EFR3A: variants seen among roughly 807,000 people sequenced by gnomAD.
EFR3A encodes the protein protein EFR3 homolog A.
EFR3A carries 76 observed loss-of-function variants against 104.4 expected under a neutral mutation model. The ratio of observed to expected loss-of-function variants is 0.73; its 90% confidence interval spans 0.60 to 0.88. The LOEUF (loss-of-function observed/expected upper bound fraction) is 0.88. EFR3A is among the 40% of genes least tolerant of loss of function. The pLI is 0.00. For synonymous variants in EFR3A, 330 were observed against 330.0 expected, an observed-to-expected ratio of 1.00 and a Z score of 0.00; for missense variants, 985 against 1,012.5, an observed-to-expected ratio of 0.97 and a Z score of 0.37.
intron 18 of EFR3A, among the ~76,000 whole-genome samples, chr8:131,989,420 A>G (rs1394853618): frequency 1.3e-5 from 2 of 152,216 alleles, no homozygotes; most frequent in Admixed American, 6.5e-5. Context: ...AGGCACTGTG[A>G]TAAGTGCTTA....
chr8:132,012,169 A>G lies in EFR3A; in HGVS notation c.*1274A>G, dbSNP rs1301243301. 3.3e-5 allele frequency: 5 copies of G among 152,324 alleles called. No individual in the cohort carries two copies. The highest frequency in any genetic ancestry group is 2.1e-4 in the South Asian group (1 of 4,832). 9.4% of individuals were successfully genotyped at this position (152,324 alleles called of 1,614,324 possible). Reference sequence around the variant, plus strand: ...CTTTTCAGATTCCATTTCTTTTTACATAAAACAGCATACATATCAAAAACT... The same window carrying G: ...CTTTTCAGATTCCATTTCTTTTTACGTAAAACAGCATACATATCAAAAACT... On this transcript the variant is annotated 3_prime_UTR_variant, in exon 23 of 23. Transcript: ENST00000254624.
chr8:131,967,657 T>A (rs1007370419), intron 8 of EFR3A, among the ~76,000 whole-genome samples: 5 of 152,182 alleles, frequency 3.3e-5, no homozygotes, highest in African/African-American at 1.2e-4. Flanking sequence ...CCAATATCAT[T>A]CACTATGGTT....
intron 19 of EFR3A, among the ~76,000 whole-genome samples, chr8:131,997,932 T>G (rs1390638047): frequency 6.6e-6 from 1 of 152,072 alleles, no homozygotes; most frequent in Non-Finnish European, 1.5e-5. Flanking sequence ...AGACTCAATG[T>G]AGGGGAAAGA....
chr8:131,987,890 T>C (rs1043502150), intron 18 of EFR3A, among the ~76,000 whole-genome samples, 188 bp downstream of exon 18: 2 of 152,182 alleles, frequency 1.3e-5, no homozygotes, highest in Non-Finnish European at 2.9e-5. Flanking sequence ...AGTAAATCTC[T>C]AACGACATAG....
rs779232799 is a variant in EFR3A at position 132,010,900 on chromosome 8, C to T, written c.*5C>T. ...CCAGATCTGTGTGTGTACTGATCGG[C>T]GCATGAAGACCTCAGGATATGATTT... On this transcript the variant is annotated 3_prime_UTR_variant, in exon 23 of 23. Coordinates refer to ENST00000254624, the MANE Select transcript of EFR3A (RefSeq NM_015137.6). The T allele has an allele frequency of 1.6e-5, 25 of 1,589,144 alleles. No homozygotes were observed. Among genetic ancestry groups the T allele is most frequent in the African/African-American group, 4.0e-5 (3 of 74,772 alleles).
At chr8:131,993,014 A>G (rs1821276151) in intron 18 of EFR3A, among the ~76,000 whole-genome samples, 1 of 152,152 alleles carries the variant, frequency 6.6e-6, no homozygotes, top group African/African-American at 2.4e-5. Flanking sequence ...GACTTTTGCA[A>G]TCTTGGGGAA....
At chr8:131,996,571 C>A in intron 19 of EFR3A, 74 bp downstream of exon 19, 1 of 840,630 alleles carries the variant, frequency 1.2e-6, no homozygotes, top group Non-Finnish European at 1.8e-6. Flanking sequence ...GCCTTCCACA[C>A]TTTCGAACAG....
At chr8:131,987,506 T>A (rs1188256019) in intron 17 of EFR3A, 69 bp from the exon 18 acceptor site, 1 of 1,479,440 alleles carries the variant, frequency 6.8e-7, no homozygotes, top group Admixed American at 2.5e-5. Context: ...TCTGGAATGT[T>A]TTGCATAGTA....
chr8:131,925,627 A>G (rs1017535220), intron 1 of EFR3A, among the ~76,000 whole-genome samples: 45 of 152,114 alleles, frequency 3.0e-4, no homozygotes, highest in Non-Finnish European at 1.3e-4. Flanking sequence ...GTTCTTAGTA[A>G]TATGTTTCCT....
intron 8 of EFR3A, among the ~76,000 whole-genome samples, chr8:131,959,920 A>G (rs934025509): frequency 6.6e-6 from 1 of 152,242 alleles, no homozygotes; most frequent in East Asian, 1.9e-4. Context: ...GCTTCTTGAC[A>G]GTCTCCTGCT....
intron 18 of EFR3A, 136 bp from the exon 19 acceptor site, chr8:131,996,270 G>A: frequency 1.9e-6 from 1 of 525,610 alleles, no homozygotes; most frequent in Non-Finnish European, 3.3e-6. Flanking sequence ...CTGCTTTTAT[G>A]TATTTAGAAG....
chr8:131,950,769 G>C (rs1319913125), intron 5 of EFR3A, among the ~76,000 whole-genome samples: 2 of 152,098 alleles, frequency 1.3e-5, no homozygotes, highest in East Asian at 3.9e-4. Flanking sequence ...TTGAATGAAT[G>C]TATATTACTG....
chr8:131,988,504 C>T (rs72730405), intron 18 of EFR3A, among the ~76,000 whole-genome samples: 2,031 of 151,912 alleles, frequency 0.013, 29 homozygotes, highest in Non-Finnish European at 0.021. Context: ...AATAGTTGTT[C>T]ATAACAGTCT....
chr8:131,910,144 G>C (rs967135338), intron 1 of EFR3A, among the ~76,000 whole-genome samples: 35 of 152,200 alleles, frequency 2.3e-4, no homozygotes, highest in Non-Finnish European at 3.2e-4. Context: ...GCATCTCCCA[G>C]AACTATACTA....
rs753620443 is a variant in EFR3A at position 131,978,886 on chromosome 8, C to G, written c.1366C>G (p.Leu456Val). ...GYKAKTIVTA[L>V]PGSFLDPLLS... ...TAAAGCGAAGACGATTGTTACTGCA[C>G]TGCCAGGGTCTTTCCTGGATCCTTT... Residue 456 changes from leucine (L) to valine (V), a missense_variant, in exon 13 of 23, where the codon CTG becomes GTG. By Grantham distance (32) the Leu-to-Val change is conservative. Coordinates refer to ENST00000254624, the MANE Select transcript of EFR3A (RefSeq NM_015137.6). 1.9e-6 allele frequency: 3 copies of G among 1,610,634 alleles called. No homozygotes were observed.
chr8:131,961,614 G>A (rs1374784546), intron 8 of EFR3A, among the ~76,000 whole-genome samples: 7 of 152,178 alleles, frequency 4.6e-5, no homozygotes, highest in Non-Finnish European at 7.3e-5. Flanking sequence ...CGGGGAGAAT[G>A]GAACCAAGTT....
At chr8:131,963,643 C>G (rs1300567772) in intron 8 of EFR3A, among the ~76,000 whole-genome samples, 1 of 152,134 alleles carries the variant, frequency 6.6e-6, no homozygotes, top group Non-Finnish European at 1.5e-5. Flanking sequence ...ACCAGAGGTA[C>G]AAGGAGGAGC....
intron 18 of EFR3A, among the ~76,000 whole-genome samples, chr8:131,993,779 C>T (rs947499259): frequency 6.6e-6 from 1 of 151,940 alleles, no homozygotes; most frequent in African/African-American, 2.4e-5. Flanking sequence ...CATGTCTTTG[C>T]TGTTGTGAGC....
At chr8:132,004,782 C>T (rs777752600) in intron 22 of EFR3A, among the ~76,000 whole-genome samples, 6 of 152,024 alleles carry the variant, frequency 3.9e-5, no homozygotes, top group Non-Finnish European at 5.9e-5. Flanking sequence ...GTGAAGACAC[C>T]AAGGCTTAGA....
Sources: gnomAD v4.1 joint callset for allele counts (sites outside exome capture counted in the v4.1 genomes callset) on GRCh38, gnomAD v4.1.1 for gene constraint, MANE v1.5 for transcripts, NCBI Gene and HGNC (gene_info 2026-07-23, HGNC 2026-07-21) for gene names.